UIMC1: variants seen among roughly 807,000 people sequenced by gnomAD.
UIMC1 encodes the protein BRCA1-A complex subunit RAP80.
In UIMC1, 42 loss-of-function variants were observed where a neutral mutation model predicts 84.9. The observed-to-expected ratio is 0.49, with a 90% CI of 0.39 to 0.64. The LOEUF is 0.64. Among genes scored for constraint, UIMC1 ranks in the 30% least tolerant of loss-of-function variants. The pLI is 0.00. For missense variants in UIMC1, 825 were observed against 847.6 expected, an observed-to-expected ratio of 0.97 and a Z score of 0.33; for synonymous variants, 281 against 293.0, an observed-to-expected ratio of 0.96 and a Z score of 0.42.
intron 10 of UIMC1, among the ~76,000 whole-genome samples, chr5:176,931,094 T>G (rs767315533): frequency 6.6e-6 from 1 of 152,234 alleles, no homozygotes; most frequent in Non-Finnish European, 1.5e-5. Context: ...TGCCTGACAA[T>G]GCAAGTGCTA....
At chr5:176,945,992 T>C (rs1324691408) in intron 9 of UIMC1, among the ~76,000 whole-genome samples, 1 of 152,208 alleles carries the variant, frequency 6.6e-6, no homozygotes, top group Non-Finnish European at 1.5e-5. Flanking sequence ...TACTTCTACA[T>C]ACAAATGTTA....
intron 10 of UIMC1, among the ~76,000 whole-genome samples, chr5:176,940,580 A>C (rs1422903976): frequency 6.6e-6 from 1 of 152,188 alleles, no homozygotes; most frequent in Non-Finnish European, 1.5e-5. Flanking sequence ...ACTCAGCTAA[A>C]AAAAAAACAA....
Position 176,941,938 on chromosome 5 carries a change from G to A in UIMC1, c.1597+1397C>T, listed in dbSNP as rs553443336. ...GGCTCATTACAACCTCTGCCTCCCG[G>A]GTTCAAGCAATTCTCCTGACTCAGC... On this transcript the variant is annotated intron_variant, in intron 10 of 14. Transcript: ENST00000511320. Among the ~76,000 whole-genome samples the A allele has an allele frequency of 6.6e-5, 10 of 152,202 alleles. No individual in the cohort carries two copies. The East Asian group carries it at 1.9e-3, about 29-fold the overall frequency.
intron 10 of UIMC1, among the ~76,000 whole-genome samples, chr5:176,924,665 T>C (rs1168158326): frequency 2.0e-5 from 3 of 152,090 alleles, no homozygotes; most frequent in African/African-American, 7.2e-5. Flanking sequence ...ACCATATACC[T>C]AAATAGAAAA....
In UIMC1 at chr5:176,982,752, T is replaced by G; in HGVS notation, c.-8-129A>C. On this transcript the variant is annotated intron_variant, in intron 1 of 14. Transcript: ENST00000511320. The stretch of plus-strand genomic sequence containing the variant: ...TCTCGCTTTGTTGCCCAGGCTGGAG[T>G]GCAATGGCACGATCTTGGCTCACTG... The G allele has an allele frequency of 2.7e-6, 3 of 1,092,080 alleles. No homozygotes were observed. The South Asian group carries it at 4.7e-5, about 17-fold the overall frequency. 67.6% of individuals were successfully genotyped at this position (1,092,080 alleles called of 1,614,324 possible).
In UIMC1 at chr5:176,908,696, T is replaced by G. The variant is rs1418885280; in HGVS notation, c.1677-2A>C. ...TTACAGAGGTAACACTTCTCATTCC[T>G]ATCCAATAAGAAAAAAGGAAGAAAA... is the stretch of plus-strand genomic sequence containing the variant. On this transcript the variant is annotated splice_acceptor_variant, in intron 11 of 14. Coordinates refer to ENST00000511320, the MANE Select transcript of UIMC1 (RefSeq NM_001199298.2). LOFTEE classifies it high-confidence loss of function. The G allele has an allele frequency of 1.9e-6, 3 of 1,608,350 alleles. No homozygotes were observed. The highest frequency in any genetic ancestry group is 2.5e-6 in the Non-Finnish European group (3 of 1,176,800).
At chr5:176,990,430 T>C (rs1404420602) in intron 1 of UIMC1, among the ~76,000 whole-genome samples, 1 of 152,114 alleles carries the variant, frequency 6.6e-6, no homozygotes, top group African/African-American at 2.4e-5. Flanking sequence ...TTGTATTGTT[T>C]ATAAATTACC....
In UIMC1 at chr5:176,984,587, C is replaced by G. The variant is rs192823922; in HGVS notation, c.-8-1964G>C. Among the ~76,000 whole-genome samples, 1,372 of 151,368 alleles carry G rather than the reference C, an allele frequency of 9.1e-3. 8 individuals carry two copies. The highest frequency in any genetic ancestry group is 0.025 in the South Asian group (117 of 4,760). ...CCCATCTGGGAGGTGTACCCAACAGCTCCGAAGAGACAGCGACCAACGAGA... is the reference window on the plus strand; with the variant it reads ...CCCATCTGGGAGGTGTACCCAACAGGTCCGAAGAGACAGCGACCAACGAGA... On this transcript the variant is annotated intron_variant, in intron 1 of 14. Transcript: ENST00000511320.
Position 176,959,412 on chromosome 5 carries a change from T to C in UIMC1, c.1201-1258A>G, listed in dbSNP as rs1257301861. On this transcript the variant is annotated intron_variant, in intron 6 of 14. Transcript: ENST00000511320. Reference sequence around the variant, plus strand: ...TAAAGCATATCTCAAACCTTCTCAGTGTAATTGTTTAAAAAAATTATTGGC... The same window carrying C: ...TAAAGCATATCTCAAACCTTCTCAGCGTAATTGTTTAAAAAAATTATTGGC... Among the ~76,000 whole-genome samples, 5 of 152,140 alleles carry C rather than the reference T, an allele frequency of 3.3e-5. No homozygotes were observed. In the East Asian group the frequency reaches 7.7e-4, roughly 23 times the overall value.
intron 10 of UIMC1, among the ~76,000 whole-genome samples, chr5:176,933,224 A>C (rs566447487): frequency 6.6e-6 from 1 of 152,348 alleles, no homozygotes; most frequent in African/African-American, 2.4e-5. Flanking sequence ...CAATACTGAG[A>C]TCCCAACAGA....
At chr5:176,994,386 T>C (rs1773288241) in intron 1 of UIMC1, among the ~76,000 whole-genome samples, 3 of 151,620 alleles carry the variant, frequency 2.0e-5, no homozygotes, top group Admixed American at 2.0e-4. Flanking sequence ...TCCATTAGAA[T>C]GGCTAAAATT....
In UIMC1 at chr5:176,960,628, C is replaced by CCTCCCTCTCCGT. The variant is rs1554122926; in HGVS notation, c.1201-2475_1201-2474insACGGAGAGGGAG. Among the ~76,000 whole-genome samples, 3 of 31,318 alleles carry CCTCCCTCTCCGT rather than the reference C, an allele frequency of 9.6e-5. 1 individual carries two copies. In the African/African-American group the frequency reaches 1.0e-3, roughly 10 times the overall value. 20.5% of individuals were successfully genotyped at this position (31,318 alleles called of 152,430 possible). A position where few individuals can be genotyped will look rare whatever the true frequency, so the allele number is the denominator to read the frequency against. On this transcript the variant is annotated intron_variant, in intron 6 of 14. Transcript: ENST00000511320. Reference sequence around the variant, plus strand: ...CTCTCCCTCTCCCCCTCCCCCTCCCCCTCCGTCTCCGTCTCCGTCTCCGTC... The same window carrying CCTCCCTCTCCGT: ...CTCTCCCTCTCCCCCTCCCCCTCCCCCTCCCTCTCCGTCTCCGTCTCCGTCTCCGTCTCCGTC...
chr5:176,977,848 T>C (rs1044392059), intron 2 of UIMC1, among the ~76,000 whole-genome samples: 2 of 150,060 alleles, frequency 1.3e-5, no homozygotes, highest in Non-Finnish European at 3.0e-5. Context: ...GAAGCAGAGG[T>C]TGCAGTGAGC....
At chr5:176,984,511 C>A (rs1223591018) in intron 1 of UIMC1, among the ~76,000 whole-genome samples, 14 of 150,904 alleles carry the variant, frequency 9.3e-5, no homozygotes, top group Non-Finnish European at 1.9e-4. Context: ...GTGAGGAGTG[C>A]CTCTGCCTGG....
chr5:176,937,330 C>T (rs1232674243), intron 10 of UIMC1, among the ~76,000 whole-genome samples: 1 of 152,066 alleles, frequency 6.6e-6, no homozygotes, highest in Non-Finnish European at 1.5e-5. Context: ...CCCATCTCTG[C>T]TAAAAATACA....
At chr5:176,933,268 A>C (rs941793791) in intron 10 of UIMC1, among the ~76,000 whole-genome samples, 2 of 152,236 alleles carry the variant, frequency 1.3e-5, no homozygotes, top group African/African-American at 4.8e-5. Flanking sequence ...TCTTCTTCGA[A>C]GAAGAAATAT....
intron 1 of UIMC1, among the ~76,000 whole-genome samples, chr5:177,013,510 A>T (rs1307757696): frequency 1.3e-5 from 2 of 152,218 alleles, no homozygotes; most frequent in African/African-American, 4.8e-5. Flanking sequence ...CGAATTAATC[A>T]GATATGATGT....
intron 12 of UIMC1, 153 bp from the exon 13 acceptor site, chr5:176,907,330 A>G: frequency 1.5e-6 from 1 of 674,958 alleles, no homozygotes; most frequent in East Asian, 2.8e-5. Context: ...CGAGGGTTTC[A>G]CAAGTGAAAA....
intron 10 of UIMC1, among the ~76,000 whole-genome samples, chr5:176,923,547 C>T (rs962449065): frequency 8.0e-5 from 11 of 137,928 alleles, no homozygotes; most frequent in Non-Finnish European, 1.8e-4. Flanking sequence ...GAGACTGTAT[C>T]AAAAGCAAAA....
Sources: gnomAD v4.1 joint callset for allele counts (sites outside exome capture counted in the v4.1 genomes callset) on GRCh38, gnomAD v4.1.1 for gene constraint, MANE v1.5 for transcripts, NCBI Gene and HGNC (gene_info 2026-07-23, HGNC 2026-07-21) for gene names.